Variants in FBN3 observed in about 807,000 individuals in gnomAD.
FBN3 encodes the protein fibrillin-3.
Under a neutral mutation model 330.1 loss-of-function variants are expected in FBN3, and 234 were observed. That is an observed-to-expected ratio of 0.71 (90% CI 0.64 to 0.79). The LOEUF (loss-of-function observed/expected upper bound fraction) is 0.79, where lower values mean the gene tolerates loss of function less well. Ranked by LOEUF, FBN3 falls within the 30% of genes least tolerant of loss-of-function variation. The pLI is 0.00. For synonymous variants in FBN3, 1,458 were observed against 1,517.3 expected (o/e 0.96, Z 0.91); for missense variants, 3,606 against 3,886.9 (o/e 0.93, Z 1.92).
At chr19:8,080,612 C>T (rs551358374) in intron 59 of FBN3, among the ~76,000 whole-genome samples, 23 of 152,160 alleles carry the variant, frequency 1.5e-4, no homozygotes, top group Admixed American at 1.3e-3. Context: ...CAATACACAC[C>T]GGGTGCTTGA....
At chr19:8,086,654 G>C (rs2081969831) in intron 54 of FBN3, among the ~76,000 whole-genome samples, 1 of 146,856 alleles carries the variant, frequency 6.8e-6, no homozygotes, top group Non-Finnish European at 1.5e-5. Flanking sequence ...TTTTAGTAGA[G>C]ACGGGGTTTC....
rs2082731828 is a variant in FBN3 at position 8,117,455 on chromosome 19, C to T, written c.3463+9G>A. 6.4e-7 allele frequency: 1 copy of T among 1,561,092 alleles called. No homozygotes were observed. Reference sequence around the variant, plus strand: ...GTGCCCAGGGGCCAGCAGGTGGGCACAGTCTCACCCACGCAGCCCTGGCGG... The same window carrying T: ...GTGCCCAGGGGCCAGCAGGTGGGCATAGTCTCACCCACGCAGCCCTGGCGG... On this transcript the variant is annotated intron_variant, in intron 27 of 63. Coordinates refer to ENST00000600128, the MANE Select transcript of FBN3 (RefSeq NM_032447.5).
intron 51 of FBN3, 21 bp downstream of exon 51, chr19:8,089,524 G>A (rs1306024556): frequency 3.1e-6 from 5 of 1,613,498 alleles, no homozygotes; most frequent in African/African-American, 1.3e-5. Context: ...GGACAGAGCT[G>A]GGGAAGGGCT....
chr19:8,106,101 T>G lies in FBN3; in HGVS notation c.4813+7A>C. 6.2e-7 allele frequency: 1 copy of G among 1,614,000 alleles called. No homozygotes were observed. Among genetic ancestry groups the G allele is most frequent in the Middle Eastern group, 1.7e-4 (1 of 6,060 alleles). ...CCTGACCCACCCCAAAGAGAATCCA[T>G]GCTCACCCTCACAGATGCGGGTGTG... On this transcript the variant is annotated splice_region_variant and intron_variant, in intron 38 of 63. Coordinates refer to ENST00000600128, the MANE Select transcript of FBN3 (RefSeq NM_032447.5).
intron 6 of FBN3, among the ~76,000 whole-genome samples, chr19:8,143,497 CTTTTTTTT>C: frequency 7.9e-6 from 1 of 126,082 alleles, no homozygotes; most frequent in African/African-American, 3.1e-5. Flanking sequence ...CTTTTCTTTT[CTTTTTTTT>C]TTTTTTTTTG....
intron 21 of FBN3, 66 bp downstream of exon 21, chr19:8,126,231 G>T: frequency 6.6e-7 from 1 of 1,518,362 alleles, no homozygotes; most frequent in Non-Finnish European, 9.0e-7. Flanking sequence ...CACCCATGAG[G>T]GTGGTGCGCC....
At position 8,094,483 on chromosome 19, in the gene FBN3, A is replaced by T. The variant is rs2082167593; in HGVS notation, c.5868T>A (p.Cys1956Ter). The change falls in exon 47 of 64, where the codon TGT becomes TGA. Residue 1956 changes from cysteine (C) to a stop codon, truncating the protein, a stop_gained. Coordinates refer to ENST00000600128, the MANE Select transcript of FBN3 (RefSeq NM_032447.5). LOFTEE classifies it high-confidence loss of function. ...CACTCTGCACCTGGAAGCCAGGGGG[A>T]CAGATGCAGCGGAAGGAGCCCTCGA... Reference protein sequence around the residue: ...QNLEGSFRCICPPGFQVQSDH... With the variant: ...QNLEGSFRCI 1 of 1,613,528 alleles carries T rather than the reference A, an allele frequency of 6.2e-7. No individual in the cohort carries two copies. Among genetic ancestry groups the T allele is most frequent in the African/African-American group, 1.3e-5 (1 of 74,870 alleles).
intron 41 of FBN3, among the ~76,000 whole-genome samples, chr19:8,100,408 G>A (rs1480806334): frequency 6.6e-6 from 1 of 152,026 alleles, no homozygotes; most frequent in Non-Finnish European, 1.5e-5. Flanking sequence ...CGAGATATCG[G>A]CTCACTGCAA....
intron 59 of FBN3, among the ~76,000 whole-genome samples, chr19:8,076,112 G>A (rs549362275): frequency 2.0e-5 from 3 of 152,144 alleles, no homozygotes; most frequent in Non-Finnish European, 4.4e-5. Flanking sequence ...AAAGGTGGCT[G>A]TCTGCAAACC....
intron 61 of FBN3, among the ~76,000 whole-genome samples, chr19:8,074,082 G>A (rs1413187546): frequency 6.6e-6 from 1 of 152,102 alleles, no homozygotes; most frequent in Admixed American, 6.6e-5. Flanking sequence ...TTCCTTTGCT[G>A]GACTGAAAAA....
At chr19:8,071,926 T>G in intron 63 of FBN3, 122 bp downstream of exon 63, 2 of 990,910 alleles carry the variant, frequency 2.0e-6, no homozygotes, top group Non-Finnish European at 2.9e-6. Flanking sequence ...GGGGAACCTG[T>G]TGGGATCTGG....
intron 63 of FBN3, among the ~76,000 whole-genome samples, chr19:8,066,903 GAAAACTAC>G (rs1384105402): frequency 6.6e-6 from 1 of 151,834 alleles, no homozygotes; most frequent in African/African-American, 2.4e-5. Context: ...TAAATAAAAG[GAAAACTAC>G]CTATTGGGAA....
In FBN3 at chr19:8,075,362, G is replaced by C. The variant is rs769702519; in HGVS notation, c.7503C>G (p.His2501Gln). ...GGAAGCTGCCCGGGGTGTTGTGGCA[G>C]TGCCCGTGGGCACCACATGGGCCAG... The part of the protein sequence containing the change: ...AQPGPCGAHG[H>Q]CHNTPGSFRC... The change falls in exon 60 of 64, where the codon CAC becomes CAG. Residue 2501 changes from histidine (H) to glutamine (Q), a missense_variant. Physicochemically the swap from His to Gln is conservative, Grantham distance 24 (BLOSUM62 0). Coordinates refer to ENST00000600128, the MANE Select transcript of FBN3 (RefSeq NM_032447.5). 6.2e-7 allele frequency: 1 copy of C among 1,614,192 alleles called. No individual in the cohort carries two copies. The highest frequency in any genetic ancestry group is 1.1e-5 in the South Asian group (1 of 91,088).
At chr19:8,093,150 C>A (rs567736706) in intron 47 of FBN3, among the ~76,000 whole-genome samples, 3 of 151,984 alleles carry the variant, frequency 2.0e-5, no homozygotes, top group African/African-American at 7.2e-5. Flanking sequence ...TACCCTACAC[C>A]GGACAGGGTT....
chr19:8,115,591 G>T lies in FBN3; in HGVS notation c.3762C>A (p.Cys1254Ter), dbSNP rs758006859. The change falls in exon 30 of 64, where the codon TGC (cysteine) becomes TGA (stop). Residue 1254 changes from cysteine to a stop codon, truncating the protein, a stop_gained. Transcript: ENST00000600128. LOFTEE classifies it high-confidence loss of function. ...LNPHICLHGD[C>*]ENTKGSFVCH... Reference sequence around the variant, plus strand: ...AGACAAAGGAACCCTTCGTGTTCTCGCAGTCCCCATGGAGGCAGATGTGAG... The same window carrying T: ...AGACAAAGGAACCCTTCGTGTTCTCTCAGTCCCCATGGAGGCAGATGTGAG... The T allele has an allele frequency of 1.2e-6, 2 of 1,613,974 alleles. No homozygotes were observed. The highest frequency in any genetic ancestry group is 1.7e-6 in the Non-Finnish European group (2 of 1,179,962).
At chr19:8,102,908 G>C (rs368848255) in intron 39 of FBN3, 35 bp from the exon 40 acceptor site, 16 of 1,609,566 alleles carry the variant, frequency 9.9e-6, no homozygotes, top group Middle Eastern at 3.3e-4. Context: ...ATGTGGGTAA[G>C]GGTCACCTAA....
At chr19:8,145,984 C>T (rs749935992) in intron 4 of FBN3, 46 bp from the exon 5 acceptor site, 38 of 1,520,256 alleles carry the variant, frequency 2.5e-5, no homozygotes, top group Middle Eastern at 1.7e-4. Flanking sequence ...AGATGGGCCC[C>T]GAGATGCCCT....
At chr19:8,135,936 G>GGGGGGGGGGGGGCGGCCCCCCCC in intron 13 of FBN3, 25 bp downstream of exon 13, 1 of 668,776 alleles carries the variant, frequency 1.5e-6, no homozygotes, top group Non-Finnish European at 2.4e-6. Flanking sequence ...GGAAGCCCCT[G>GGGGGGGGGGGGGCGGCCCCCCCC]CCCACCCGCC....
chr19:8,113,693 A>T (rs917927985), intron 30 of FBN3, among the ~76,000 whole-genome samples: 21 of 152,060 alleles, frequency 1.4e-4, no homozygotes, highest in Non-Finnish European at 1.2e-4. Context: ...TGGGCGACAC[A>T]GCGAGACCTC....
Sources: gnomAD v4.1 joint callset for allele counts (sites outside exome capture counted in the v4.1 genomes callset) on GRCh38, gnomAD v4.1.1 for gene constraint, MANE v1.5 for transcripts, NCBI Gene and HGNC (gene_info 2026-07-23, HGNC 2026-07-21) for gene names.